The following CA10 variants were observed in gnomAD, a reference collection of about 807,000 sequenced individuals.
CA10 encodes the protein carbonic anhydrase-related protein 10.
Under a neutral mutation model 44.2 loss-of-function variants are expected in CA10, and 14 were observed. The ratio of observed to expected loss-of-function variants is 0.32; its 90% CI spans 0.21 to 0.50. The LOEUF is 0.50. Among genes scored for constraint, CA10 ranks in the 20% least tolerant of loss-of-function variants. The pLI is 0.99. For synonymous variants in CA10, 159 were observed against 141.6 expected (o/e 1.12, Z -0.87); for missense variants, 350 against 409.7 (o/e 0.85, Z 1.26).
intron 2 of CA10, among the ~76,000 whole-genome samples, chr17:52,012,241 C>A (rs1230392430): frequency 6.6e-6 from 1 of 151,982 alleles, no homozygotes; most frequent in Non-Finnish European, 1.5e-5. Flanking sequence ...CTAATTCTTA[C>A]AACAACCTTA....
intron 3 of CA10, among the ~76,000 whole-genome samples, chr17:51,833,120 TCCTCTGCTCTTCCCTTAGTG>T (rs1476447401): frequency 1.3e-5 from 2 of 149,642 alleles, no homozygotes; most frequent in Admixed American, 6.6e-5. Context: ...AGGTGTAGAT[TCCTCTGCTCTTCCCTTAGTG>T]CCTCTGCTGG....
chr17:52,086,131 T>C (rs982084259), intron 1 of CA10, among the ~76,000 whole-genome samples: 1 of 152,214 alleles, frequency 6.6e-6, no homozygotes, highest in African/African-American at 2.4e-5. Context: ...TGGTTTACAG[T>C]GCAATGAGAA....
chr17:51,897,152 T>G (rs181787806), intron 3 of CA10, among the ~76,000 whole-genome samples: 93 of 152,288 alleles, frequency 6.1e-4, no homozygotes, highest in Non-Finnish European at 1.2e-3. Flanking sequence ...CCAGAGCCTA[T>G]GTCCAGAATG....
Position 51,927,634 on chromosome 17 carries a change from C to G in CA10, c.279+3356G>C, listed in dbSNP as rs1243052311. Among the ~76,000 whole-genome samples, 6 of 152,106 alleles carry G rather than the reference C, an allele frequency of 3.9e-5. No homozygotes were observed. The East Asian group carries it at 9.6e-4, about 24-fold the overall frequency. ...ATGTGACTATACACTAAAATTAAAA[C>G]ACAAACACACTGCGTACACTCACTT... On this transcript the variant is annotated intron_variant, in intron 3 of 8. Coordinates refer to ENST00000451037, the MANE Select transcript of CA10 (RefSeq NM_020178.5).
intron 2 of CA10, among the ~76,000 whole-genome samples, chr17:51,949,170 T>C (rs540049611): frequency 6.6e-6 from 1 of 152,186 alleles, no homozygotes; most frequent in Non-Finnish European, 1.5e-5. Flanking sequence ...TTAGTTGGGA[T>C]TGCAATAACT....
chr17:51,754,448 T>TATATCA (rs1905017825), intron 3 of CA10, among the ~76,000 whole-genome samples: 1 of 102,664 alleles, frequency 9.7e-6, no homozygotes, highest in African/African-American at 3.7e-5. Flanking sequence ...TATATATATA[T>TATATCA]CACGTAAAAT....
chr17:51,751,661 A>G (rs1049066976), intron 3 of CA10, among the ~76,000 whole-genome samples: 1 of 152,194 alleles, frequency 6.6e-6, no homozygotes, highest in African/African-American at 2.4e-5. Context: ...AAATGTCATA[A>G]TGAAGAACTG....
In CA10 at chr17:51,671,505, C is replaced by T. The variant is rs533085553; in HGVS notation, c.466-17769G>A. Among the ~76,000 whole-genome samples the T allele has an allele frequency of 7.4e-4, 112 of 152,236 alleles. 1 individual carries two copies. Among genetic ancestry groups the T allele is most frequent in the Middle Eastern group, 3.4e-3 (1 of 294 alleles). On this transcript the variant is annotated intron_variant, in intron 4 of 8. Transcript: ENST00000451037. ...CTGCAAGCTCCACCTCCCGGGTTCA[C>T]GCCGTTCTCCTGCCTCAGCCTCCTG...
chr17:51,835,579 G>T (rs970842426), intron 3 of CA10, among the ~76,000 whole-genome samples: 1 of 152,170 alleles, frequency 6.6e-6, no homozygotes, highest in Non-Finnish European at 1.5e-5. Flanking sequence ...TAAGAAAGGC[G>T]TTGTTATCTT....
At chr17:51,671,752 TG>T (rs1597975997) in intron 4 of CA10, among the ~76,000 whole-genome samples, 1 of 152,180 alleles carries the variant, frequency 6.6e-6, no homozygotes, top group East Asian at 1.9e-4. Flanking sequence ...GAATGGCCAT[TG>T]TTTTGGCTGT....
At position 52,157,733 on chromosome 17, in the gene CA10, G is replaced by A; in HGVS notation, c.54C>T (p.Cys18=). The change falls in exon 1 of 9, where the codon TGC becomes TGT. Residue 18 remains cysteine, a synonymous_variant. Transcript: ENST00000451037. ...LFLLQANFIV[C]ISAQQNSPKI... is the part of the protein sequence containing the mutation. ...CTTCGGCGCGTCCCGTACCTGATAT[G>A]CAGACGATGAAATTGGCTTGAAGAA... The A allele has an allele frequency of 1.2e-6, 2 of 1,613,860 alleles. No homozygotes were observed. Among genetic ancestry groups the A allele is most frequent in the South Asian group, 2.2e-5 (2 of 91,074 alleles).
intron 4 of CA10, among the ~76,000 whole-genome samples, chr17:51,730,529 G>A (rs1916676666): frequency 1.3e-5 from 2 of 152,184 alleles, no homozygotes; most frequent in Non-Finnish European, 2.9e-5. Context: ...AGCGAGTCAT[G>A]CTATAGCTAA....
rs1202754414 is a variant in CA10, at chr17:52,158,310, C to A, written c.-524G>T. On this transcript the variant is annotated 5_prime_UTR_variant, in exon 1 of 9. Transcript: ENST00000451037. Reference sequence around the variant, plus strand: ...TCCGCGGCAAGTTGCCCTCGAAGTCCGCCCCCCTCACCGGGGCATGGTCGG... The same window carrying A: ...TCCGCGGCAAGTTGCCCTCGAAGTCAGCCCCCCTCACCGGGGCATGGTCGG... 1 of 199,564 alleles carries A rather than the reference C, an allele frequency of 5.0e-6. No homozygotes were observed. The highest frequency in any genetic ancestry group is 5.4e-5 in the Admixed American group (1 of 18,358). 12.4% of individuals were successfully genotyped at this position (199,564 alleles called of 1,614,324 possible). A position where few individuals can be genotyped will look rare whatever the true frequency, so the allele number is the denominator to read the frequency against.
chr17:51,653,680 C>T lies in CA10; in HGVS notation c.522G>A (p.Lys174=). The T allele has an allele frequency of 6.2e-7, 1 of 1,611,090 alleles. No homozygotes were observed. Among genetic ancestry groups the T allele is most frequent in the Non-Finnish European group, 8.5e-7 (1 of 1,177,276 alleles). Residue 174 remains lysine, a synonymous_variant, in exon 5 of 9, where the codon AAG becomes AAA. Coordinates refer to ENST00000451037, the MANE Select transcript of CA10 (RefSeq NM_020178.5). ...AAACTACCACCAATCCATTTGGACT[C>T]TTTGCAGCTTCTGTGACATTCGTAT... ...ELYTNVTEAA[K]SPNGLVVVSI...
Position 51,832,104 on chromosome 17 carries a change from G to T in CA10, c.280-84286C>A, listed in dbSNP as rs184470296. Among the ~76,000 whole-genome samples the T allele has an allele frequency of 7.9e-5, 12 of 152,264 alleles. No homozygotes were observed. The East Asian group carries it at 2.3e-3, about 29-fold the overall frequency. On this transcript the variant is annotated intron_variant, in intron 3 of 8. Transcript: ENST00000451037. ...TGAACCCATTGTCAGAGAGACCTGG[G>T]TTTGAATCTGGCTCTTCCACACCCC...
intron 1 of CA10, among the ~76,000 whole-genome samples, chr17:52,072,938 G>A (rs1987724276): frequency 6.6e-6 from 1 of 152,130 alleles, no homozygotes; most frequent in Non-Finnish European, 1.5e-5. Context: ...GGCAAAAAGG[G>A]CAGAGGGCTC....
At chr17:51,970,561 T>C (rs1236746234) in intron 2 of CA10, among the ~76,000 whole-genome samples, 1 of 152,108 alleles carries the variant, frequency 6.6e-6, no homozygotes, top group Non-Finnish European at 1.5e-5. Context: ...ATAGATGTGT[T>C]GCTAATCCAA....
intron 1 of CA10, among the ~76,000 whole-genome samples, chr17:52,072,866 T>A (rs1987722315): frequency 6.6e-6 from 1 of 152,110 alleles, no homozygotes; most frequent in South Asian, 2.1e-4. Context: ...CAGCTTTCCT[T>A]AGGTCCCAGG....
chr17:52,094,831 T>G (rs917537921), intron 1 of CA10, among the ~76,000 whole-genome samples: 1 of 152,174 alleles, frequency 6.6e-6, no homozygotes, highest in Non-Finnish European at 1.5e-5. Flanking sequence ...AGGAATGTGG[T>G]GCAACTGGAA....
Sources: allele counts gnomAD v4.1 joint callset (sites outside exome capture counted in the v4.1 genomes callset), GRCh38; gene constraint gnomAD v4.1.1; transcripts MANE v1.5; gene names NCBI Gene and HGNC (gene_info 2026-07-23, HGNC 2026-07-21).